CLSTN2: variants seen among roughly 807,000 people sequenced by gnomAD.
CLSTN2 encodes the protein calsyntenin-2.
A neutral mutation model predicts 101.2 loss-of-function variants in CLSTN2; 48 were observed. That is an observed-to-expected ratio of 0.47 (90% CI 0.38 to 0.60). The LOEUF (loss-of-function observed/expected upper bound fraction) is 0.60. Among genes scored for constraint, CLSTN2 ranks in the 20% least tolerant of loss-of-function variants. The pLI, the probability that CLSTN2 is intolerant of heterozygous loss-of-function variation, is 0.00. For missense variants in CLSTN2, 1,160 were observed against 1,238.2 expected, an observed-to-expected ratio of 0.94 and a Z score of 0.95; for synonymous variants, 481 against 463.6, an observed-to-expected ratio of 1.04 and a Z score of -0.48.
chr3:140,233,761 T>C (rs186258214), intron 2 of CLSTN2, among the ~76,000 whole-genome samples: 1 of 152,340 alleles, frequency 6.6e-6, no homozygotes, highest in Non-Finnish European at 1.5e-5. Context: ...GCTGGTTTTT[T>C]AATATATCTG....
At chr3:140,061,557 T>C (rs965725234) in intron 1 of CLSTN2, among the ~76,000 whole-genome samples, 1 of 152,002 alleles carries the variant, frequency 6.6e-6, no homozygotes, top group Non-Finnish European at 1.5e-5. Context: ...TAGTGGGAGG[T>C]GGAAGTCCCC....
chr3:140,100,793 TAG>T (rs1449195444), intron 1 of CLSTN2, among the ~76,000 whole-genome samples: 1 of 152,210 alleles, frequency 6.6e-6, no homozygotes, highest in East Asian at 1.9e-4. Flanking sequence ...AAGGCTGCTG[TAG>T]AGTGTTGGCA....
chr3:139,983,851 T>C lies in CLSTN2; in HGVS notation c.109+48368T>C, dbSNP rs143525488. Among the ~76,000 whole-genome samples the C allele has an allele frequency of 8.9e-3, 1,350 of 152,324 alleles. 12 individuals carry two copies. The highest frequency in any genetic ancestry group is 0.014 in the Non-Finnish European group (985 of 68,022). On this transcript the variant is annotated intron_variant, in intron 1 of 16. Coordinates refer to ENST00000458420, the MANE Select transcript of CLSTN2 (RefSeq NM_022131.3). ...ACCCAATCAATAGTATATTATTAAC[T>C]TTGCATATTTGTAATAATATGAAAT...
At chr3:140,038,976 T>A (rs1340530234) in intron 1 of CLSTN2, among the ~76,000 whole-genome samples, 1 of 152,192 alleles carries the variant, frequency 6.6e-6, no homozygotes, top group Non-Finnish European at 1.5e-5. Context: ...TTTACTTGAC[T>A]TCATTGGTCT....
intron 8 of CLSTN2, among the ~76,000 whole-genome samples, chr3:140,527,203 A>G (rs968206527): frequency 2.0e-4 from 31 of 152,222 alleles, no homozygotes; most frequent in African/African-American, 6.8e-4. Flanking sequence ...TCTAATATCC[A>G]GAATCTACAA....
intron 2 of CLSTN2, among the ~76,000 whole-genome samples, chr3:140,328,592 T>C (rs2107927820): frequency 6.6e-6 from 1 of 152,292 alleles, no homozygotes; most frequent in African/African-American, 2.4e-5. Context: ...TGTATACTGC[T>C]TGTAGGCAAG....
rs1985542816 is a variant in CLSTN2, at chr3:140,571,373, C to G, written c.*5120C>G. 1 of 152,008 alleles carries G rather than the reference C, an allele frequency of 6.6e-6. No homozygotes were observed. The highest frequency in any genetic ancestry group is 6.5e-5 in the Admixed American group (1 of 15,268). The allele number at this position is 152,008 out of a possible 1,614,324, so 9.4% of individuals were successfully genotyped here. A position where few individuals can be genotyped will look rare whatever the true frequency, so the allele number is the denominator to read the frequency against. On this transcript the variant is annotated 3_prime_UTR_variant, in exon 17 of 17. Transcript: ENST00000458420. The stretch of plus-strand genomic sequence containing the variant: ...AAAAGACAACTTTTTTTTTAATCAT[C>G]CCCACATTTAAATTAACCAAATAGT...
At chr3:140,002,775 G>T (rs576817347) in intron 1 of CLSTN2, among the ~76,000 whole-genome samples, 1 of 152,078 alleles carries the variant, frequency 6.6e-6, no homozygotes, top group Non-Finnish European at 1.5e-5. Context: ...TCATTCTTCT[G>T]CATATGGATA....
At chr3:139,945,878 G>A (rs114806220) in intron 1 of CLSTN2, among the ~76,000 whole-genome samples, 2,062 of 152,182 alleles carry the variant, frequency 0.014, 33 homozygotes, top group African/African-American at 0.047. Context: ...CCCATATATA[G>A]CATTAAGAAA....
intron 2 of CLSTN2, among the ~76,000 whole-genome samples, chr3:140,327,007 T>G (rs2087338229): frequency 6.6e-6 from 1 of 152,186 alleles, no homozygotes; most frequent in Admixed American, 6.6e-5. Context: ...GATTATCTAT[T>G]ACATAGAAAA....
intron 8 of CLSTN2, among the ~76,000 whole-genome samples, chr3:140,524,774 T>C (rs1935102274): frequency 6.6e-6 from 1 of 152,136 alleles, no homozygotes; most frequent in East Asian, 1.9e-4. Context: ...GCAGCAAAAA[T>C]AGAAATCAAT....
At chr3:140,395,762 A>C (rs1245280882) in intron 2 of CLSTN2, among the ~76,000 whole-genome samples, 1 of 152,210 alleles carries the variant, frequency 6.6e-6, no homozygotes, top group Non-Finnish European at 1.5e-5. Context: ...TATTATACTT[A>C]AAGTGACTAG....
At chr3:140,246,784 G>T (rs1314296131) in intron 2 of CLSTN2, among the ~76,000 whole-genome samples, 2 of 152,084 alleles carry the variant, frequency 1.3e-5, no homozygotes, top group South Asian at 2.1e-4. Flanking sequence ...CAGAAGTGTC[G>T]GGCTTTTTAG....
intron 1 of CLSTN2, among the ~76,000 whole-genome samples, chr3:140,051,497 T>C (rs536132797): frequency 6.6e-5 from 10 of 152,200 alleles, no homozygotes; most frequent in Non-Finnish European, 1.3e-4. Context: ...TTTTGGGCTC[T>C]GCTGAACAGG....
rs182477575 is a variant in CLSTN2 at position 140,348,818 on chromosome 3, C to T, written c.233-54811C>T. ...AAGGTTCCACTGTGTCAAAGATACA[C>T]ATCCACAAACACATGCACAGAGATG... On this transcript the variant is annotated intron_variant, in intron 2 of 16. Transcript: ENST00000458420. Among the ~76,000 whole-genome samples the T allele has an allele frequency of 5.3e-5, 8 of 152,332 alleles. No homozygotes were observed. The East Asian group carries it at 5.8e-4, about 11-fold the overall frequency.
intron 1 of CLSTN2, among the ~76,000 whole-genome samples, chr3:140,067,887 G>T (rs1285584801): frequency 6.6e-6 from 1 of 152,146 alleles, no homozygotes; most frequent in Admixed American, 6.5e-5. Flanking sequence ...ATGTGCATTA[G>T]GTTACTGTCT....
At chr3:140,116,578 G>C (rs2009246215) in intron 1 of CLSTN2, among the ~76,000 whole-genome samples, 1 of 152,158 alleles carries the variant, frequency 6.6e-6, no homozygotes, top group Admixed American at 6.5e-5. Context: ...CACCTGCAGG[G>C]CCGATCCTGT....
At chr3:140,097,059 C>T (rs2008880756) in intron 1 of CLSTN2, among the ~76,000 whole-genome samples, 1 of 152,176 alleles carries the variant, frequency 6.6e-6, no homozygotes, top group Non-Finnish European at 1.5e-5. Flanking sequence ...GCTTAGCTCT[C>T]AGAACTCTCC....
At chr3:139,973,264 T>G (rs547529739) in intron 1 of CLSTN2, among the ~76,000 whole-genome samples, 1 of 152,324 alleles carries the variant, frequency 6.6e-6, no homozygotes, top group South Asian at 2.1e-4. Flanking sequence ...ATGGCTGCCT[T>G]GGATTCAAGG....
Sources: gnomAD v4.1 joint callset for allele counts (sites outside exome capture counted in the v4.1 genomes callset) on GRCh38, gnomAD v4.1.1 for gene constraint, MANE v1.5 for transcripts, NCBI Gene and HGNC (gene_info 2026-07-23, HGNC 2026-07-21) for gene names.